Variants in SEPTIN7 observed in about 807,000 individuals in gnomAD.
SEPTIN7 encodes the protein septin 7.
SEPTIN7 carries 10 observed loss-of-function variants against 63.3 expected under a neutral mutation model. The observed-to-expected ratio is 0.16, with a 90% CI of 0.10 to 0.27. The LOEUF is 0.27. Ranked by LOEUF, SEPTIN7 falls within the 10% of genes least tolerant of loss-of-function variation. The pLI is 1.00. For synonymous variants in SEPTIN7, 131 were observed against 165.3 expected (o/e 0.79, Z 1.59); for missense variants, 310 against 521.0 (o/e 0.59, Z 3.94).
intron 1 of SEPTIN7, among the ~76,000 whole-genome samples, chr7:35,805,445 T>C (rs1788269568): frequency 6.6e-6 from 1 of 152,256 alleles, no homozygotes; most frequent in South Asian, 2.1e-4. Flanking sequence ...TATTCTGCTA[T>C]TAAATTTTCC....
At chr7:35,880,269 C>T (rs1395079612) in intron 7 of SEPTIN7, among the ~76,000 whole-genome samples, 9 of 112,762 alleles carry the variant, frequency 8.0e-5, no homozygotes, top group African/African-American at 3.2e-4. Flanking sequence ...AATGAATTCC[C>T]AGGAAGTGGA....
intron 11 of SEPTIN7, among the ~76,000 whole-genome samples, chr7:35,893,616 A>T (rs960577862): frequency 6.6e-6 from 1 of 152,192 alleles, no homozygotes; most frequent in Non-Finnish European, 1.5e-5. Context: ...CCCGTTGTTA[A>T]GCAGTGCATG....
At chr7:35,858,000 T>C (rs1461600802) in intron 3 of SEPTIN7, among the ~76,000 whole-genome samples, 1 of 152,088 alleles carries the variant, frequency 6.6e-6, no homozygotes, top group African/African-American at 2.4e-5. Context: ...TGGAGTGCAG[T>C]GGTGTCATCT....
intron 3 of SEPTIN7, among the ~76,000 whole-genome samples, chr7:35,862,769 G>A (rs1440001587): frequency 1.3e-5 from 2 of 152,056 alleles, no homozygotes; most frequent in African/African-American, 2.4e-5. Flanking sequence ...ACTCTGTGCC[G>A]TGTTGTCATA....
intron 1 of SEPTIN7, among the ~76,000 whole-genome samples, chr7:35,813,310 C>T (rs757529544): frequency 8.6e-5 from 13 of 151,866 alleles, no homozygotes; most frequent in Non-Finnish European, 1.9e-4. Context: ...CATTTTAGCA[C>T]CTCCTTGGTT....
rs774467873 is a variant in SEPTIN7, at chr7:35,906,647, A to G, written c.*2354A>G. 1 of 152,212 alleles carries G rather than the reference A, an allele frequency of 6.6e-6. No homozygotes were observed. Among genetic ancestry groups the G allele is most frequent in the Non-Finnish European group, 1.5e-5 (1 of 68,054 alleles). 9.4% of individuals were successfully genotyped at this position (152,212 alleles called of 1,614,324 possible). A position where few individuals can be genotyped will look rare whatever the true frequency, so the allele number is the denominator to read the frequency against. On this transcript the variant is annotated 3_prime_UTR_variant, in exon 14 of 14. Transcript: ENST00000350320. ...TTTTGCTGCCACCTAGTGGAATGGG[A>G]TATCATTGCTTCCATATCAGGTTCA...
Position 35,882,583 on chromosome 7 carries a change from T to G in SEPTIN7, c.723+7T>G. 6.8e-7 allele frequency: 1 copy of G among 1,463,704 alleles called. No homozygotes were observed. Among genetic ancestry groups the G allele is most frequent in the South Asian group, 1.3e-5 (1 of 74,966 alleles). 90.7% of individuals were successfully genotyped at this position (1,463,704 alleles called of 1,614,324 possible). The stretch of plus-strand genomic sequence containing the variant: ...ACTTGTTAAAAAGATAAAGGTAGGT[T>G]CATCCCTGTACACACGCTAAAGTAA... On this transcript the variant is annotated splice_region_variant and intron_variant, in intron 8 of 13. Coordinates refer to ENST00000350320, the MANE Select transcript of SEPTIN7 (RefSeq NM_001788.6).
rs1158889882 is a variant in SEPTIN7 at position 35,906,161 on chromosome 7, T to C, written c.*1868T>C. On this transcript the variant is annotated 3_prime_UTR_variant, in exon 14 of 14. Transcript: ENST00000350320. ...AATGTATATAGACTGCCTGCTGAAC[T>C]GGTTAAGTACTACTGCTTCTGGGAA... 1 of 152,192 alleles carries C rather than the reference T, an allele frequency of 6.6e-6. No individual in the cohort carries two copies. The highest frequency in any genetic ancestry group is 1.5e-5 in the Non-Finnish European group (1 of 68,024). 9.4% of individuals were successfully genotyped at this position (152,192 alleles called of 1,614,324 possible). A position where few individuals can be genotyped will look rare whatever the true frequency, so the allele number is the denominator to read the frequency against.
At chr7:35,821,857 C>T (rs1448159883) in intron 1 of SEPTIN7, among the ~76,000 whole-genome samples, 5 of 152,206 alleles carry the variant, frequency 3.3e-5, no homozygotes, top group East Asian at 1.9e-4. Flanking sequence ...TAGCTCACTG[C>T]AACATCCACC....
rs1788284051 is a variant in SEPTIN7, at chr7:35,900,902, T to A, written c.1135-2174T>A. The A allele has an allele frequency of 2.6e-5, 4 of 152,326 alleles. No homozygotes were observed. In the Middle Eastern group the frequency reaches 0.014, roughly 518 times the overall value. The allele number at this position is 152,326 out of a possible 1,614,324, so 9.4% of individuals were successfully genotyped here. A position where few individuals can be genotyped will look rare whatever the true frequency, so the allele number is the denominator to read the frequency against. ...CTCTAAGCCATTAGAGAATTAGGCA[T>A]GCTCATTCTAGATTCTTTGTCTTTT... On this transcript the variant is annotated intron_variant, in intron 12 of 13. Coordinates refer to ENST00000350320, the MANE Select transcript of SEPTIN7 (RefSeq NM_001788.6).
chr7:35,886,031 T>C (rs1787223897), intron 10 of SEPTIN7, among the ~76,000 whole-genome samples, 152 bp downstream of exon 10: 1 of 152,240 alleles, frequency 6.6e-6, no homozygotes, highest in Non-Finnish European at 1.5e-5. Context: ...GATGATTCTT[T>C]CTCCAAGGTT....
the SEPTIN7 span, among the ~76,000 whole-genome samples, chr7:35,912,463 G>A: frequency 6.6e-6 from 1 of 152,172 alleles, no homozygotes; most frequent in Non-Finnish European, 1.5e-5. Context: ...CTAATGACTG[G>A]CTTGCTGTTA....
At chr7:35,898,180 G>A in intron 11 of SEPTIN7, 68 bp from the exon 12 acceptor site, 1 of 1,272,622 alleles carries the variant, frequency 7.9e-7, no homozygotes, top group Non-Finnish European at 1.0e-6. Context: ...TTCATCAGCT[G>A]TTTCATAGTT....
intron 1 of SEPTIN7, among the ~76,000 whole-genome samples, chr7:35,831,076 AC>A (rs1783811471): frequency 6.6e-6 from 1 of 152,152 alleles, no homozygotes; most frequent in Non-Finnish European, 1.5e-5. Context: ...GTAATTTAAA[AC>A]TTGGTTCCTG....
the SEPTIN7 span, among the ~76,000 whole-genome samples, chr7:35,915,136 C>CATAT: frequency 3.3e-5 from 5 of 151,156 alleles, no homozygotes; most frequent in African/African-American, 7.3e-5. Flanking sequence ...TATATACATG[C>CATAT]ATATACACAT....
chr7:35,806,372 T>G (rs185219961), intron 1 of SEPTIN7, among the ~76,000 whole-genome samples: 7 of 152,334 alleles, frequency 4.6e-5, no homozygotes, highest in African/African-American at 1.4e-4. Context: ...AACATTATGC[T>G]AGGTCATTAT....
intron 1 of SEPTIN7, among the ~76,000 whole-genome samples, chr7:35,809,139 T>C (rs182220514): frequency 1.4e-3 from 217 of 152,306 alleles, no homozygotes; most frequent in African/African-American, 5.0e-3. Flanking sequence ...CAAATACACG[T>C]TTTGTACTTG....
At chr7:35,813,535 G>A (rs1788868649) in intron 1 of SEPTIN7, among the ~76,000 whole-genome samples, 2 of 152,042 alleles carry the variant, frequency 1.3e-5, no homozygotes, top group Non-Finnish European at 2.9e-5. Flanking sequence ...CACCATGCCT[G>A]GCTAATTTTT....
At chr7:35,862,675 C>T (rs1278910182) in intron 3 of SEPTIN7, among the ~76,000 whole-genome samples, 2 of 152,014 alleles carry the variant, frequency 1.3e-5, no homozygotes, top group African/African-American at 4.8e-5. Flanking sequence ...AGAATTCCTC[C>T]TAGACATAAA....
Sources: allele counts gnomAD v4.1 joint callset (sites outside exome capture counted in the v4.1 genomes callset), GRCh38; gene constraint gnomAD v4.1.1; transcripts MANE v1.5; gene names NCBI Gene and HGNC (gene_info 2026-07-23, HGNC 2026-07-21).